Variants in BTG2 observed in about 807,000 individuals in gnomAD.
The protein encoded by BTG2 is protein BTG2.
Under a neutral mutation model 13.1 loss-of-function variants are expected in BTG2, and 9 were observed. The ratio of observed to expected loss-of-function variants is 0.69; its 90% CI spans 0.41 to 1.20. The LOEUF (loss-of-function observed/expected upper bound fraction) is 1.20. BTG2 is among the 50% of genes most tolerant of loss of function. BTG2 has a pLI of 0.00. For missense variants in BTG2, 200 were observed against 209.5 expected (o/e 0.95, Z 0.28); for synonymous variants, 92 against 88.6 (o/e 1.04, Z -0.21).
rs574754503 is a variant in BTG2, at chr1:203,308,189, C to G, written c.*751C>G. 1.0e-4 allele frequency: 16 copies of G among 152,664 alleles called. No homozygotes were observed. Among genetic ancestry groups the G allele is most frequent in the African/African-American group, 3.9e-4 (16 of 41,522 alleles). 9.5% of individuals were successfully genotyped at this position (152,664 alleles called of 1,614,324 possible). ...AACTCTGCACAAAACCTTTGCTTTG[C>G]TAGTGCTGCTTTGTGTGTATGTGTG... On this transcript the variant is annotated 3_prime_UTR_variant, in exon 2 of 2. Coordinates refer to ENST00000290551, the MANE Select transcript of BTG2 (RefSeq NM_006763.3).
rs531323491 is a variant in BTG2, at chr1:203,307,084, C to T, written c.143-20C>T. The T allele has an allele frequency of 7.5e-5, 120 of 1,607,624 alleles. No homozygotes were observed. The highest frequency in any genetic ancestry group is 6.6e-4 in the Middle Eastern group (4 of 6,042). ...TAGCTGCTCTAACCAGGGCATCTGC[C>T]CCTGGTCCTGTCTCCACAGAGCACT... is the stretch of plus-strand genomic sequence containing the variant. On this transcript the variant is annotated intron_variant, in intron 1 of 1. Transcript: ENST00000290551.
intron 1 of BTG2, among the ~76,000 whole-genome samples, chr1:203,306,622 G>T (rs991046978): frequency 2.0e-5 from 3 of 152,116 alleles, no homozygotes; most frequent in African/African-American, 7.2e-5. Context: ...GTGACTTGCT[G>T]TGGACCCAAC....
At chr1:203,306,830 TCACA>T (rs1220050362) in intron 1 of BTG2, among the ~76,000 whole-genome samples, 1 of 136,516 alleles carries the variant, frequency 7.3e-6, no homozygotes, top group Non-Finnish European at 1.6e-5. Context: ...ACTCTCTCTC[TCACA>T]CACACACACT....
chr1:203,306,277 A>C (rs1658270073), intron 1 of BTG2, among the ~76,000 whole-genome samples: 1 of 151,878 alleles, frequency 6.6e-6, no homozygotes, highest in Admixed American at 6.5e-5. Flanking sequence ...CCTTTGTGTT[A>C]TCTTTGGTTC....
In BTG2 at chr1:203,307,121, T is replaced by C. The variant is rs1479845105; in HGVS notation, c.160T>C (p.Trp54Arg). The change falls in exon 2 of 2, where the codon TGG becomes CGG. Residue 54 changes from tryptophan to arginine, a missense_variant. Coordinates refer to ENST00000290551, the MANE Select transcript of BTG2 (RefSeq NM_006763.3). ...CTCCACAGAGCACTACAAACACCAC[T>C]GGTTTCCCGAAAAGCCGTCCAAGGG... The part of the protein sequence containing the change: ...EALTEHYKHH[W>R]FPEKPSKGSG... 3 of 1,614,034 alleles carry C rather than the reference T, an allele frequency of 1.9e-6. No homozygotes were observed. Among genetic ancestry groups the C allele is most frequent in the Non-Finnish European group, 2.5e-6 (3 of 1,179,966 alleles).
chr1:203,309,496 A>C lies in BTG2; in HGVS notation c.*2058A>C, dbSNP rs1394216968. 1 of 152,706 alleles carries C rather than the reference A, an allele frequency of 6.5e-6. No individual in the cohort carries two copies. Among genetic ancestry groups the C allele is most frequent in the Admixed American group, 6.5e-5 (1 of 15,288 alleles). The allele number at this position is 152,706 out of a possible 1,614,324, so 9.5% of individuals were successfully genotyped here. ...TGTTTGTAAGCTATTCTGACAGAAA[A>C]GACAAAGGTTACTAATTGTATGATA... On this transcript the variant is annotated 3_prime_UTR_variant, in exon 2 of 2. Transcript: ENST00000290551.
At position 203,307,089 on chromosome 1, in the gene BTG2, G is replaced by C; in HGVS notation, c.143-15G>C. Reference sequence around the variant, plus strand: ...GCTCTAACCAGGGCATCTGCCCCTGGTCCTGTCTCCACAGAGCACTACAAA... The same window carrying C: ...GCTCTAACCAGGGCATCTGCCCCTGCTCCTGTCTCCACAGAGCACTACAAA... On this transcript the variant is annotated splice_polypyrimidine_tract_variant and intron_variant, in intron 1 of 1. Coordinates refer to ENST00000290551, the MANE Select transcript of BTG2 (RefSeq NM_006763.3). 6 of 1,610,100 alleles carry C rather than the reference G, an allele frequency of 3.7e-6. No homozygotes were observed. In the South Asian group the frequency reaches 6.6e-5, roughly 18 times the overall value.
chr1:203,306,800 G>A (rs10920608), intron 1 of BTG2, among the ~76,000 whole-genome samples: 10,346 of 142,764 alleles, frequency 0.072, 385 homozygotes, highest in East Asian at 0.13. Context: ...CTCCCAACAC[G>A]CACACACACA....
chr1:203,307,508 A>C lies in BTG2; in HGVS notation c.*70A>C, dbSNP rs532470883. On this transcript the variant is annotated 3_prime_UTR_variant, in exon 2 of 2. Transcript: ENST00000290551. Reference sequence around the variant, plus strand: ...TGACAACAGGCCACCACATACCTCAACCTGGGGAACTGTATTTTTAAATGA... The same window carrying C: ...TGACAACAGGCCACCACATACCTCACCCTGGGGAACTGTATTTTTAAATGA... 278 of 1,222,306 alleles carry C rather than the reference A, an allele frequency of 2.3e-4. 1 individual carries two copies. Among genetic ancestry groups the C allele is most frequent in the South Asian group, 2.0e-3 (129 of 64,722 alleles). 75.7% of individuals were successfully genotyped at this position (1,222,306 alleles called of 1,614,324 possible).
chr1:203,307,481 C>CT lies in BTG2; in HGVS notation c.*43_*44insT. ...CTGGGCGCCGCCGTGCTCATGCTGC[C>CT]GTGACAACAGGCCACCACATACCTC... is the stretch of plus-strand genomic sequence containing the variant. On this transcript the variant is annotated 3_prime_UTR_variant, in exon 2 of 2. Transcript: ENST00000290551. The CT allele has an allele frequency of 6.6e-7, 1 of 1,507,740 alleles. No homozygotes were observed. The highest frequency in any genetic ancestry group is 8.9e-7 in the Non-Finnish European group (1 of 1,117,978). The allele number at this position is 1,507,740 out of a possible 1,614,324, so 93.4% of individuals were successfully genotyped here.
Position 203,309,315 on chromosome 1 carries a change from G to C in BTG2, c.*1877G>C, listed in dbSNP as rs1227253490. The C allele has an allele frequency of 6.6e-6, 1 of 152,590 alleles. No individual in the cohort carries two copies. Among genetic ancestry groups the C allele is most frequent in the African/African-American group, 2.4e-5 (1 of 41,428 alleles). 9.5% of individuals were successfully genotyped at this position (152,590 alleles called of 1,614,324 possible). A position where few individuals can be genotyped will look rare whatever the true frequency, so the allele number is the denominator to read the frequency against. On this transcript the variant is annotated 3_prime_UTR_variant, in exon 2 of 2. Coordinates refer to ENST00000290551, the MANE Select transcript of BTG2 (RefSeq NM_006763.3). ...TGTTCTTGCATCTTGTCTGCAAACA[G>C]GTCCCTGCCTTTTTAGAAGCAGCCT...
At position 203,307,338 on chromosome 1, in the gene BTG2, C is replaced by A. The variant is rs1038768161; in HGVS notation, c.377C>A (p.Ala126Asp). 1 of 1,613,850 alleles carries A rather than the reference C, an allele frequency of 6.2e-7. No homozygotes were observed. Among genetic ancestry groups the A allele is most frequent in the East Asian group, 2.2e-5 (1 of 44,874 alleles). The change falls in exon 2 of 2, where the codon GCC (alanine) becomes GAC (aspartate). Residue 126 changes from alanine to aspartate, a missense_variant. Transcript: ENST00000290551. ...DGSICVLYEE[A>D]PLAASCGLLT... ...TCCATCTGCGTCTTGTACGAGGAGG[C>A]CCCACTGGCCGCCTCCTGTGGGCTC...
chr1:203,306,848 TCACACACACACA>T (rs56272333), intron 1 of BTG2, among the ~76,000 whole-genome samples: 2 of 131,390 alleles, frequency 1.5e-5, no homozygotes, highest in Non-Finnish European at 3.2e-5. Flanking sequence ...ACACACTCAG[TCACACACACACA>T]CACACACACA....
chr1:203,306,805 C>T (rs1658285337), intron 1 of BTG2, among the ~76,000 whole-genome samples: 1 of 132,204 alleles, frequency 7.6e-6, no homozygotes, highest in Non-Finnish European at 1.6e-5. Flanking sequence ...AACACGCACA[C>T]ACACACACAC....
intron 1 of BTG2, 148 bp from the exon 2 acceptor site, chr1:203,306,956 G>C: frequency 3.0e-6 from 2 of 660,862 alleles, no homozygotes; most frequent in Non-Finnish European, 5.2e-6. Context: ...AGTGGAAAGA[G>C]GGTCCTAGAA....
Position 203,307,473 on chromosome 1 carries a change from C to T in BTG2, c.*35C>T, listed in dbSNP as rs763854059. 70 of 1,530,980 alleles carry T rather than the reference C, an allele frequency of 4.6e-5. No homozygotes were observed. The South Asian group carries it at 6.7e-4, about 15-fold the overall frequency. The allele number at this position is 1,530,980 out of a possible 1,614,324, so 94.8% of individuals were successfully genotyped here. On this transcript the variant is annotated 3_prime_UTR_variant, in exon 2 of 2. Transcript: ENST00000290551. ...CCCCCGCCCTGGGCGCCGCCGTGCT[C>T]ATGCTGCCGTGACAACAGGCCACCA...
rs776708330 is a variant in BTG2, at chr1:203,307,193, A to C, written c.232A>C (p.Ile78Leu). The change falls in exon 2 of 2, where the codon ATC (isoleucine) becomes CTC (leucine). Residue 78 changes from isoleucine (I) to leucine (L), a missense_variant. By Grantham distance (5) the Ile-to-Leu change is conservative (BLOSUM62 2). Coordinates refer to ENST00000290551, the MANE Select transcript of BTG2 (RefSeq NM_006763.3). ...IRINHKMDPI[I>L]SRVASQIGLS... is the part of the protein sequence containing the mutation. Reference sequence around the variant, plus strand: ...CATCAACCACAAGATGGACCCCATCATCAGCAGGGTGGCCAGCCAGATCGG... The same window carrying C: ...CATCAACCACAAGATGGACCCCATCCTCAGCAGGGTGGCCAGCCAGATCGG... 2.5e-6 allele frequency: 4 copies of C among 1,614,264 alleles called. No individual in the cohort carries two copies. Among genetic ancestry groups the C allele is most frequent in the Non-Finnish European group, 3.4e-6 (4 of 1,180,046 alleles).
intron 1 of BTG2, among the ~76,000 whole-genome samples, 163 bp downstream of exon 1, chr1:203,305,911 G>C (rs1264210772): frequency 6.6e-6 from 1 of 152,138 alleles, no homozygotes; most frequent in African/African-American, 2.4e-5. Flanking sequence ...AGTTTCCTGG[G>C]TCCTCCTCCC....
At chr1:203,305,951 G>A (rs951328491) in intron 1 of BTG2, among the ~76,000 whole-genome samples, 1 of 152,256 alleles carries the variant, frequency 6.6e-6, no homozygotes, top group African/African-American at 2.4e-5. Flanking sequence ...CGGCCGTGGC[G>A]GTTCTGATGG....
Sources: allele counts gnomAD v4.1 joint callset (sites outside exome capture counted in the v4.1 genomes callset), GRCh38; gene constraint gnomAD v4.1.1; transcripts MANE v1.5; gene names NCBI Gene and HGNC (gene_info 2026-07-23, HGNC 2026-07-21).